Variants in CFAP119 observed in about 807,000 individuals in gnomAD.
The protein encoded by CFAP119 is cilia and flagella associated protein 119, also known as cilia- and flagella-associated protein 119.
chr16:30,760,500 A>G, the CFAP119 span: 10 of 1,610,716 alleles, frequency 6.2e-6, no homozygotes, highest in South Asian at 1.1e-4. Flanking sequence ...TCCTTTCATC[A>G]CCCTACACCC....
chr16:30,758,379 G>GT, the CFAP119 span: 31 of 152,760 alleles, frequency 2.0e-4, no homozygotes, highest in East Asian at 2.3e-3. Flanking sequence ...CCTGTTCTTT[G>GT]TTTTTTTTTA....
At chr16:30,759,284 A>T in the CFAP119 span, 1 of 1,613,648 alleles carries the variant, frequency 6.2e-7, no homozygotes, top group Non-Finnish European at 8.5e-7. Flanking sequence ...AAAGGAGTGC[A>T]CCTGTGCTGA....
At chr16:30,761,858 G>A in the CFAP119 span, 2 of 1,092,428 alleles carry the variant, frequency 1.8e-6, no homozygotes, top group Non-Finnish European at 1.3e-6. Context: ...GCCTCGCTCC[G>A]GCCAATCTAC....
chr16:30,761,499 C>T, the CFAP119 span: 3 of 1,533,244 alleles, frequency 2.0e-6, no homozygotes, highest in South Asian at 1.2e-5. Flanking sequence ...TGCGGGGGAG[C>T]CGGTTTATAA....
the CFAP119 span, chr16:30,759,508 G>A: frequency 1.9e-6 from 3 of 1,614,200 alleles, no homozygotes; most frequent in Non-Finnish European, 8.5e-7. Context: ...CGGAGCCCTG[G>A]CTTTGCCTCC....
chr16:30,761,987 G>A, the CFAP119 span: 2 of 555,340 alleles, frequency 3.6e-6, no homozygotes, highest in Non-Finnish European at 6.3e-6. Flanking sequence ...ACGCCAGTGG[G>A]AGCGAAGAGA....
the CFAP119 span, chr16:30,758,775 G>A: frequency 3.1e-5 from 19 of 621,648 alleles, no homozygotes; most frequent in African/African-American, 3.5e-4. Flanking sequence ...GGCTGGTCGC[G>A]AACTCCTGAG....
the CFAP119 span, chr16:30,758,072 C>CTT: frequency 8.8e-4 from 123 of 140,226 alleles, no homozygotes; most frequent in African/African-American, 3.0e-3. Flanking sequence ...TTGGCTTTCT[C>CTT]TTTTTTTTTT....
At chr16:30,761,251 G>A in the CFAP119 span, 2 of 1,613,540 alleles carry the variant, frequency 1.2e-6, no homozygotes, top group Admixed American at 1.7e-5. Flanking sequence ...AAGCGAATTG[G>A]GGAAGGCAGC....
the CFAP119 span, chr16:30,760,523 G>A: frequency 2.5e-6 from 4 of 1,608,386 alleles, 1 homozygote; most frequent in South Asian, 4.4e-5. Flanking sequence ...CACATGCTTT[G>A]GAGTCAGCCA....
At chr16:30,760,954 T>G in the CFAP119 span, 5 of 610,722 alleles carry the variant, frequency 8.2e-6, no homozygotes, top group Admixed American at 1.2e-4. Context: ...TGTCCCCCTC[T>G]GTACAATACT....
the CFAP119 span, chr16:30,760,703 G>A: frequency 4.5e-6 from 7 of 1,540,684 alleles, no homozygotes; most frequent in Admixed American, 3.9e-5. Flanking sequence ...ATTGGTGGCC[G>A]TTACCTATCA....
At chr16:30,759,340 A>ACC in the CFAP119 span, 1 of 1,613,586 alleles carries the variant, frequency 6.2e-7, no homozygotes, top group Non-Finnish European at 8.5e-7. Context: ...ACCACCCCCT[A>ACC]CCTGGGGTGT....
the CFAP119 span, chr16:30,757,559 C>T: frequency 2.3e-5 from 37 of 1,614,112 alleles, no homozygotes; most frequent in Middle Eastern, 1.6e-4. Context: ...AGCCTTTCCT[C>T]GCTGGCCTTG....
At chr16:30,761,345 G>A in the CFAP119 span, 1 of 1,505,052 alleles carries the variant, frequency 6.6e-7, no homozygotes, top group Non-Finnish European at 9.2e-7. Flanking sequence ...ACTAAGGAGA[G>A]GCGCGGGCGA....
chr16:30,760,164 T>G, the CFAP119 span: 1 of 1,592,470 alleles, frequency 6.3e-7, no homozygotes, highest in East Asian at 2.3e-5. Context: ...TGTATGATGA[T>G]GCTACTAATA....
At chr16:30,759,147 A>G in the CFAP119 span, 2 of 1,614,178 alleles carry the variant, frequency 1.2e-6, no homozygotes, top group Non-Finnish European at 8.5e-7. Flanking sequence ...GGCCTGGCCC[A>G]GCCCAGCCCT....
the CFAP119 span, chr16:30,761,860 C>T: frequency 9.4e-7 from 1 of 1,067,162 alleles, no homozygotes. Context: ...CTCGCTCCGG[C>T]CAATCTACGC....
At chr16:30,757,492 T>A in the CFAP119 span, 1 of 1,613,992 alleles carries the variant, frequency 6.2e-7, no homozygotes, top group South Asian at 1.1e-5. Flanking sequence ...GGTCTTGCTC[T>A]TGCCTTTACC....
Sources: gnomAD v4.1 joint callset for allele counts on GRCh38, gnomAD v4.1.1 for gene constraint, MANE v1.5 for transcripts, NCBI Gene and HGNC (gene_info 2026-07-23, HGNC 2026-07-21) for gene names.